EIPR1: variants seen among roughly 807,000 people sequenced by gnomAD.
The protein encoded by EIPR1 is EARP and GARP complex-interacting protein 1.
EIPR1 carries 25 observed loss-of-function variants against 48.1 expected under a neutral mutation model. The ratio of observed to expected loss-of-function variants is 0.52; its 90% CI spans 0.38 to 0.73. EIPR1 has a LOEUF of 0.73. Ranked by LOEUF, EIPR1 falls within the 30% of genes least tolerant of loss-of-function variation. The pLI is 0.00. For missense variants in EIPR1, 415 were observed against 506.2 expected, an observed-to-expected ratio of 0.82 and a Z score of 1.73; for synonymous variants, 204 against 201.9, an observed-to-expected ratio of 1.01 and a Z score of -0.09.
At chr2:3,269,344 GTCATCGCACTCAGTCATCGCACTCAA>G (rs1558263280) in intron 3 of EIPR1, among the ~76,000 whole-genome samples, 1,721 of 74,170 alleles carry the variant, frequency 0.023, 441 homozygotes, top group East Asian at 0.092. Flanking sequence ...ATCACACTCA[GTCATCGCACTCAGTCATCGCACTCAA>G]TCATCGCACT....
chr2:3,239,432 A>AG (rs1666521654), intron 4 of EIPR1, among the ~76,000 whole-genome samples: 1 of 152,238 alleles, frequency 6.6e-6, no homozygotes, highest in Non-Finnish European at 1.5e-5. Context: ...GTTGATGCAC[A>AG]GACGCTTAGA....
At chr2:3,237,623 G>A (rs1174321866) in intron 4 of EIPR1, among the ~76,000 whole-genome samples, 2 of 152,176 alleles carry the variant, frequency 1.3e-5, no homozygotes, top group South Asian at 2.1e-4. Context: ...AGATCACATG[G>A]AACGCGCTAA....
intron 3 of EIPR1, among the ~76,000 whole-genome samples, chr2:3,331,089 G>A (rs1669883879): frequency 7.2e-6 from 1 of 138,600 alleles, no homozygotes; most frequent in African/African-American, 2.6e-5. Flanking sequence ...TCATGAGATG[G>A]TGTGAGCAGA....
chr2:3,328,241 CCTCT>C (rs953914807), intron 3 of EIPR1, among the ~76,000 whole-genome samples: 2 of 152,182 alleles, frequency 1.3e-5, no homozygotes, highest in African/African-American at 2.4e-5. Flanking sequence ...CTGAGAGATC[CCTCT>C]CTAAGGACCA....
intron 1 of EIPR1, among the ~76,000 whole-genome samples, chr2:3,375,385 AT>A (rs1293466239): frequency 7.0e-6 from 1 of 143,472 alleles, no homozygotes; most frequent in East Asian, 2.0e-4. Flanking sequence ...TATAATAATA[AT>A]TTAAAAAAAA....
intron 4 of EIPR1, chr2:3,214,512 A>C: frequency 2.9e-6 from 1 of 350,796 alleles, no homozygotes. Flanking sequence ...AGGTTCGTCA[A>C]TGTACACAGG....
chr2:3,189,484 G>A lies in EIPR1; in HGVS notation c.1014C>T (p.Asn338=), dbSNP rs188031641. 6.6e-5 allele frequency: 103 copies of A among 1,568,138 alleles called. No homozygotes were observed. Among genetic ancestry groups the A allele is most frequent in the East Asian group, 5.1e-4 (22 of 43,564 alleles). Residue 338 remains asparagine, a synonymous_variant, in exon 9 of 9, where the codon AAC becomes AAT. Coordinates refer to ENST00000382125, the MANE Select transcript of EIPR1 (RefSeq NM_003310.5). This position sits in a 1 kb window ranked among gnomAD's most constrained non-coding sequence, Gnocchi z 4.6. ...CGTGCTCCTCGTAGGTGGCGATCAC[G>A]TTGTCCTGCAGGGGCTCCTTGCTCC... ...EEKSKEPLQD[N]VIATYEEHED... is the part of the protein sequence containing the mutation.
intron 5 of EIPR1, chr2:3,209,091 T>C (rs1209438273): frequency 1.4e-6 from 2 of 1,396,382 alleles, no homozygotes; most frequent in East Asian, 2.5e-5. Flanking sequence ...CCGTTCCATG[T>C]TTCTCTCACT....
intron 3 of EIPR1, among the ~76,000 whole-genome samples, chr2:3,310,548 G>C (rs1331087445): frequency 6.8e-6 from 1 of 147,602 alleles, no homozygotes; most frequent in Non-Finnish European, 1.5e-5. Context: ...AGCTACTTGG[G>C]AGGCTGAGGC....
chr2:3,353,046 TGACA>T (rs762914212), intron 2 of EIPR1, among the ~76,000 whole-genome samples: 2 of 152,232 alleles, frequency 1.3e-5, no homozygotes, highest in Admixed American at 1.3e-4. Flanking sequence ...TAAGGTGTTC[TGACA>T]GACAGAGACC....
chr2:3,220,155 C>T (rs1051903032), intron 4 of EIPR1, among the ~76,000 whole-genome samples: 27 of 152,180 alleles, frequency 1.8e-4, no homozygotes, highest in African/African-American at 5.6e-4. Context: ...TTGTCTTCCA[C>T]GAAACTGGTC....
intron 4 of EIPR1, among the ~76,000 whole-genome samples, chr2:3,236,449 G>C (rs1666408406): frequency 6.6e-6 from 1 of 152,216 alleles, no homozygotes; most frequent in Admixed American, 6.5e-5. Context: ...CTTCACTCAG[G>C]AGGAGGACAT....
chr2:3,262,994 G>A (rs528792512), intron 3 of EIPR1, among the ~76,000 whole-genome samples: 20 of 152,282 alleles, frequency 1.3e-4, no homozygotes, highest in African/African-American at 4.8e-4. Context: ...TCTCTGCCCC[G>A]GACCCTCCCT....
intron 2 of EIPR1, among the ~76,000 whole-genome samples, chr2:3,339,573 G>C (rs1275192462): frequency 1.3e-5 from 2 of 152,154 alleles, no homozygotes; most frequent in African/African-American, 4.8e-5. Context: ...TGGGGGATGG[G>C]CCTTCAGGAA....
chr2:3,232,389 T>C (rs919042255), intron 4 of EIPR1, among the ~76,000 whole-genome samples: 1 of 152,228 alleles, frequency 6.6e-6, no homozygotes, highest in South Asian at 2.1e-4. Context: ...ATGTATAAAG[T>C]TGAGTTGATT....
At chr2:3,370,408 GAGA>G (rs1383190961) in intron 1 of EIPR1, among the ~76,000 whole-genome samples, 4 of 152,218 alleles carry the variant, frequency 2.6e-5, no homozygotes, top group African/African-American at 9.6e-5. Context: ...GACGAGTTGA[GAGA>G]AGAAGGCTTC....
At chr2:3,319,415 C>A in intron 3 of EIPR1, 1 of 178,826 alleles carries the variant, frequency 5.6e-6, no homozygotes, top group African/African-American at 2.4e-5. Flanking sequence ...CATGAGCACT[C>A]GATGGGAGCT....
chr2:3,287,983 A>G (rs1668258781), intron 3 of EIPR1, among the ~76,000 whole-genome samples: 1 of 152,220 alleles, frequency 6.6e-6, no homozygotes, highest in African/African-American at 2.4e-5. Context: ...ACTAAGGGGT[A>G]ATTGCCATGA....
At chr2:3,192,303 C>A in intron 8 of EIPR1, 111 bp downstream of exon 8, 1 of 1,286,438 alleles carries the variant, frequency 7.8e-7, no homozygotes, top group Non-Finnish European at 1.0e-6. Flanking sequence ...GGAGAGTGTC[C>A]CCCAAATGCA....
Sources: allele counts gnomAD v4.1 joint callset (sites outside exome capture counted in the v4.1 genomes callset), GRCh38; gene constraint gnomAD v4.1.1; non-coding constraint Gnocchi (gnomAD v3.1); transcripts MANE v1.5; gene names NCBI Gene and HGNC (gene_info 2026-07-23, HGNC 2026-07-21).